The following GLIS3 variants were observed in gnomAD, a reference collection of about 807,000 sequenced individuals.
GLIS3 encodes GLIS family zinc finger 3, also known as zinc finger protein GLIS3.
GLIS3 carries 53 observed loss-of-function variants against 78.6 expected under a neutral mutation model. The ratio of observed to expected loss-of-function variants is 0.67; its 90% CI spans 0.54 to 0.85. The LOEUF (loss-of-function observed/expected upper bound fraction) is 0.85. Ranked by LOEUF, GLIS3 falls within the 40% of genes least tolerant of loss-of-function variation. The pLI is 0.00. For missense variants in GLIS3, 1,703 were observed against 1,231.1 expected (o/e 1.38, Z -5.74); for synonymous variants, 684 against 509.9 (o/e 1.34, Z -4.60).
In GLIS3 at chr9:3,826,073, G is replaced by C. The variant is rs1194585357; in HGVS notation, c.*2199C>G. 6.6e-6 allele frequency: 1 copy of C among 152,174 alleles called. No individual in the cohort carries two copies. The highest frequency in any genetic ancestry group is 1.5e-5 in the Non-Finnish European group (1 of 68,036). The allele number at this position is 152,174 out of a possible 1,614,324, so 9.4% of individuals were successfully genotyped here. On this transcript the variant is annotated 3_prime_UTR_variant, in exon 11 of 11. Coordinates refer to ENST00000381971, the MANE Select transcript of GLIS3 (RefSeq NM_001042413.2). ...TGATGTCCATGGTTTCTAAAGTTGA[G>C]CTTCTGTCTTGTCCTCCTTCCCCCT...
At chr9:4,457,574 G>A in the GLIS3 span, among the ~76,000 whole-genome samples, 32 of 151,920 alleles carry the variant, frequency 2.1e-4, no homozygotes, top group Non-Finnish European at 3.8e-4. Context: ...CTGGCCAGGC[G>A]TGGTGGCTCA....
intron 2 of GLIS3, among the ~76,000 whole-genome samples, chr9:4,335,563 T>G (rs979604377): frequency 6.6e-6 from 1 of 152,228 alleles, no homozygotes; most frequent in East Asian, 1.9e-4. Context: ...TTCTGGTGTC[T>G]ATCTCCCTCA....
chr9:4,196,847 C>T (rs1403304851), intron 2 of GLIS3, among the ~76,000 whole-genome samples: 2 of 152,338 alleles, frequency 1.3e-5, no homozygotes, highest in East Asian at 3.9e-4. Context: ...CCAAGTCCAG[C>T]TTGGCAACCT....
chr9:4,038,549 C>G (rs1365529187), intron 4 of GLIS3, among the ~76,000 whole-genome samples: 2 of 152,174 alleles, frequency 1.3e-5, no homozygotes, highest in Non-Finnish European at 2.9e-5. Flanking sequence ...CAACAGGCCA[C>G]TTTATCCTGA....
At chr9:3,881,832 C>T (rs1043169123) in intron 7 of GLIS3, among the ~76,000 whole-genome samples, 3 of 152,146 alleles carry the variant, frequency 2.0e-5, no homozygotes, top group African/African-American at 7.2e-5. Flanking sequence ...ACCAAAATAC[C>T]AAGACCTATT....
intron 4 of GLIS3, among the ~76,000 whole-genome samples, chr9:4,061,572 GGT>G (rs1333354238): frequency 6.6e-6 from 1 of 151,996 alleles, no homozygotes; most frequent in African/African-American, 2.4e-5. Flanking sequence ...GCCATAAAAT[GGT>G]TTAATTGGAC....
chr9:4,397,826 C>T, the GLIS3 span, among the ~76,000 whole-genome samples: 25 of 151,736 alleles, frequency 1.6e-4, no homozygotes, highest in African/African-American at 5.3e-4. Flanking sequence ...ACGAAAGCAC[C>T]GCTGAGCAAT....
At chr9:4,040,039 TA>T (rs1044531416) in intron 4 of GLIS3, among the ~76,000 whole-genome samples, 2 of 152,082 alleles carry the variant, frequency 1.3e-5, no homozygotes, top group African/African-American at 4.8e-5. Context: ...AAACAGAGGG[TA>T]ACTGAGACCT....
At chr9:4,063,228 A>T (rs893511054) in intron 4 of GLIS3, among the ~76,000 whole-genome samples, 4 of 152,172 alleles carry the variant, frequency 2.6e-5, no homozygotes, top group Non-Finnish European at 4.4e-5. Flanking sequence ...TATTACTCAT[A>T]TGTGTTTTTA....
At chr9:4,046,027 A>C (rs1455557097) in intron 4 of GLIS3, among the ~76,000 whole-genome samples, 2 of 152,178 alleles carry the variant, frequency 1.3e-5, no homozygotes, top group Non-Finnish European at 2.9e-5. Flanking sequence ...GAGGCAGCAA[A>C]TTTTAATTTC....
chr9:4,368,409 A>T, the GLIS3 span, among the ~76,000 whole-genome samples: 2 of 151,276 alleles, frequency 1.3e-5, no homozygotes, highest in Non-Finnish European at 2.9e-5. Flanking sequence ...TAGTGGCACA[A>T]TCTCTGCTCA....
the GLIS3 span, among the ~76,000 whole-genome samples, chr9:4,412,233 A>G: frequency 2.6e-4 from 40 of 152,346 alleles, no homozygotes; most frequent in East Asian, 5.0e-3. Flanking sequence ...TAATGCTGTA[A>G]TATGAAATTA....
chr9:4,289,015 G>C (rs536687273), intron 1 of GLIS3, among the ~76,000 whole-genome samples: 31 of 152,050 alleles, frequency 2.0e-4, no homozygotes, highest in Non-Finnish European at 4.1e-4. Flanking sequence ...ATACTTTTTA[G>C]CTAGGCCATA....
the GLIS3 span, among the ~76,000 whole-genome samples, chr9:4,451,414 C>T: frequency 6.6e-6 from 1 of 152,058 alleles, no homozygotes; most frequent in Non-Finnish European, 1.5e-5. Context: ...TATTTAACAC[C>T]CCACTGTCAA....
intron 8 of GLIS3, among the ~76,000 whole-genome samples, chr9:3,856,842 C>A (rs1047904707): frequency 6.6e-5 from 10 of 152,078 alleles, no homozygotes; most frequent in East Asian, 1.9e-4. Context: ...GAGTCACATG[C>A]GCCAATCACA....
intron 2 of GLIS3, among the ~76,000 whole-genome samples, chr9:4,234,834 C>G (rs1181664347): frequency 6.6e-6 from 1 of 152,170 alleles, no homozygotes; most frequent in East Asian, 1.9e-4. Flanking sequence ...GGTCATGCAA[C>G]TATTTCAGAA....
the GLIS3 span, among the ~76,000 whole-genome samples, chr9:4,357,351 C>T: frequency 6.6e-5 from 10 of 152,138 alleles, no homozygotes; most frequent in Admixed American, 6.6e-4. Flanking sequence ...AGAACCACAG[C>T]CTGAGTAAGG....
At chr9:3,898,905 T>A in intron 6 of GLIS3, 70 bp from the exon 7 acceptor site, 1 of 1,604,008 alleles carries the variant, frequency 6.2e-7, no homozygotes, top group Non-Finnish European at 8.5e-7. Context: ...TGGGAAGGCA[T>A]CATGCTCTAT....
At chr9:4,476,578 T>A in the GLIS3 span, among the ~76,000 whole-genome samples, 1 of 152,084 alleles carries the variant, frequency 6.6e-6, no homozygotes, top group Non-Finnish European at 1.5e-5. Context: ...GCCAGGCTGG[T>A]CTCGAACTCC....
Sources: gnomAD v4.1 joint callset for allele counts (sites outside exome capture counted in the v4.1 genomes callset) on GRCh38, gnomAD v4.1.1 for gene constraint, MANE v1.5 for transcripts, NCBI Gene and HGNC (gene_info 2026-07-23, HGNC 2026-07-21) for gene names.